F13A1: variants seen among roughly 807,000 people sequenced by gnomAD.
The protein encoded by F13A1 is coagulation factor XIII A chain, also known as FSF, A subunit.
F13A1 carries 47 observed loss-of-function variants against 80.1 expected under a neutral mutation model. The ratio of observed to expected loss-of-function variants is 0.59; its 90% CI spans 0.46 to 0.75. The LOEUF (loss-of-function observed/expected upper bound fraction) is 0.75. F13A1 is among the 30% of genes least tolerant of loss of function. The pLI is 0.00. For synonymous variants in F13A1, 349 were observed against 344.9 expected (o/e 1.01, Z -0.13); for missense variants, 817 against 930.4 (o/e 0.88, Z 1.59).
At chr6:6,274,321 C>A (rs760293475) in intron 3 of F13A1, among the ~76,000 whole-genome samples, 10 of 152,228 alleles carry the variant, frequency 6.6e-5, no homozygotes, top group Non-Finnish European at 1.5e-4. Flanking sequence ...TCACTTAAAG[C>A]CTCTTTTGGA....
At chr6:6,157,120 A>T (rs546472955) in intron 13 of F13A1, among the ~76,000 whole-genome samples, 2 of 152,360 alleles carry the variant, frequency 1.3e-5, no homozygotes, top group African/African-American at 4.8e-5. Flanking sequence ...GACTCTGGTT[A>T]ATGACAACAA....
At chr6:6,197,118 A>G (rs2151082594) in intron 9 of F13A1, 105 bp downstream of exon 9, 2 of 994,378 alleles carry the variant, frequency 2.0e-6, no homozygotes, top group Non-Finnish European at 3.2e-6. Flanking sequence ...CACACTTCAG[A>G]TGTTGCCTCC....
At chr6:6,265,152 G>T (rs1757827192) in intron 4 of F13A1, among the ~76,000 whole-genome samples, 1 of 152,190 alleles carries the variant, frequency 6.6e-6, no homozygotes, top group South Asian at 2.1e-4. Flanking sequence ...GGACCAAGGT[G>T]TATGTTCTAG....
intron 13 of F13A1, among the ~76,000 whole-genome samples, chr6:6,161,084 C>T (rs1004097067): frequency 3.9e-5 from 6 of 152,128 alleles, no homozygotes; most frequent in Non-Finnish European, 8.8e-5. Flanking sequence ...ATGGCAGGTA[C>T]TGAGTAGAGA....
At chr6:6,319,899 A>G (rs560635750) in intron 1 of F13A1, among the ~76,000 whole-genome samples, 59 of 152,280 alleles carry the variant, frequency 3.9e-4, no homozygotes, top group African/African-American at 1.3e-3. Flanking sequence ...GAGGGAGAAG[A>G]GCGAAAAAGG....
intron 11 of F13A1, among the ~76,000 whole-genome samples, chr6:6,181,539 ACGTTGTAGTCTTC>A (rs1483287243): frequency 2.0e-5 from 3 of 152,234 alleles, no homozygotes; most frequent in Non-Finnish European, 4.4e-5. Flanking sequence ...TGTATTATCT[ACGTTGTAGTCTTC>A]CATGATAATG....
At chr6:6,208,620 A>T (rs1223079972) in intron 8 of F13A1, among the ~76,000 whole-genome samples, 1 of 152,232 alleles carries the variant, frequency 6.6e-6, no homozygotes, top group Non-Finnish European at 1.5e-5. Context: ...AACTGTCAAA[A>T]GCTGAAGACA....
chr6:6,159,152 C>T (rs983636065), intron 13 of F13A1, among the ~76,000 whole-genome samples: 7 of 152,084 alleles, frequency 4.6e-5, no homozygotes, highest in African/African-American at 9.7e-5. Context: ...CCACCCACCT[C>T]GGCCTCCCAA....
Position 6,162,210 on chromosome 6 carries a change from T to A in F13A1, c.1908+5248A>T, listed in dbSNP as rs1760587031. Among the ~76,000 whole-genome samples, 1 of 151,928 alleles carries A rather than the reference T, an allele frequency of 6.6e-6. No individual in the cohort carries two copies. Among genetic ancestry groups the A allele is most frequent in the African/African-American group, 2.4e-5 (1 of 41,384 alleles). On this transcript the variant is annotated intron_variant, in intron 13 of 14. Transcript: ENST00000264870. This position sits in a 1 kb window ranked among gnomAD's most constrained non-coding sequence, Gnocchi z 4.2. The stretch of plus-strand genomic sequence containing the variant: ...CCAAAATTGTAGACTCCCCTCCACA[T>A]AGCCTCAAGCTATCTTTTTCAGGTT...
At chr6:6,244,713 C>T (rs1757531375) in intron 6 of F13A1, among the ~76,000 whole-genome samples, 1 of 152,112 alleles carries the variant, frequency 6.6e-6, no homozygotes, top group Non-Finnish European at 1.5e-5. Context: ...GGTTTGAGTA[C>T]AGAGACAAAA....
chr6:6,296,659 G>C (rs1387944709), intron 3 of F13A1, among the ~76,000 whole-genome samples: 1 of 148,548 alleles, frequency 6.7e-6, no homozygotes, highest in African/African-American at 2.6e-5. Context: ...GAGACAATGG[G>C]GTTTTCTAGA....
At position 6,318,579 on chromosome 6, in the gene F13A1, G is replaced by A; in HGVS notation, c.86C>T (p.Thr29Ile). Residue 29 changes from threonine to isoleucine, a missense_variant, in exon 2 of 15, where the codon ACA becomes ATA. Transcript: ENST00000264870. ...GGGCACCACGCCCTGAAGCTCCACT[G>A]TGGGCAGGTCATCTTCCGCTGCATT... ...NSNAAEDDLPTVELQGVVPRG... is the reference protein window; with the variant it reads ...NSNAAEDDLPIVELQGVVPRG... The A allele has an allele frequency of 3.1e-6, 5 of 1,613,888 alleles. No homozygotes were observed. The highest frequency in any genetic ancestry group is 4.2e-6 in the Non-Finnish European group (5 of 1,179,960).
At chr6:6,171,363 G>C (rs1760769689) in intron 12 of F13A1, among the ~76,000 whole-genome samples, 1 of 152,122 alleles carries the variant, frequency 6.6e-6, no homozygotes, top group Non-Finnish European at 1.5e-5. Flanking sequence ...TAAACATGTT[G>C]GAAGTTACCA....
At chr6:6,307,063 T>C (rs1424954544) in intron 2 of F13A1, among the ~76,000 whole-genome samples, 2 of 152,130 alleles carry the variant, frequency 1.3e-5, no homozygotes, top group African/African-American at 2.4e-5. Context: ...GAATCTGAAT[T>C]TTCTTATTTT....
intron 10 of F13A1, among the ~76,000 whole-genome samples, chr6:6,190,932 C>T (rs1019984812): frequency 5.9e-5 from 9 of 152,278 alleles, no homozygotes; most frequent in South Asian, 2.1e-4. Flanking sequence ...CGTGGTGCGC[C>T]GTTTTTTAAG....
intron 4 of F13A1, among the ~76,000 whole-genome samples, chr6:6,253,545 G>A (rs142052692): frequency 1.4e-4 from 21 of 152,260 alleles, no homozygotes; most frequent in East Asian, 1.9e-4. Context: ...AGGGAGAGAC[G>A]GATCCTCTCC....
chr6:6,290,341 T>C (rs1024842874), intron 3 of F13A1, among the ~76,000 whole-genome samples: 8 of 152,322 alleles, frequency 5.3e-5, no homozygotes, highest in East Asian at 1.9e-4. Flanking sequence ...TCTGTTCAAG[T>C]TCTGTCAGCC....
At chr6:6,168,547 G>A (rs1442071865) in intron 12 of F13A1, among the ~76,000 whole-genome samples, 1 of 152,212 alleles carries the variant, frequency 6.6e-6, no homozygotes, top group African/African-American at 2.4e-5. Context: ...GACTCCGCAG[G>A]TGAATGGGTG....
chr6:6,265,603 G>A (rs550639612), intron 4 of F13A1, among the ~76,000 whole-genome samples: 10 of 152,098 alleles, frequency 6.6e-5, no homozygotes, highest in South Asian at 2.1e-4. Context: ...AGCTTCTGCC[G>A]CAGACAGAAA....
Sources: allele counts gnomAD v4.1 joint callset (sites outside exome capture counted in the v4.1 genomes callset), GRCh38; gene constraint gnomAD v4.1.1; non-coding constraint Gnocchi (gnomAD v3.1); transcripts MANE v1.5; gene names NCBI Gene and HGNC (gene_info 2026-07-23, HGNC 2026-07-21).